LRRC9: variants seen among roughly 807,000 people sequenced by gnomAD.
LRRC9 encodes leucine rich repeat containing 9.
A neutral mutation model predicts 63.2 loss-of-function variants in LRRC9; 122 were observed. The ratio of observed to expected loss-of-function variants is 1.93; its 90% CI spans 1.67 to 2.24. LRRC9 has a LOEUF of 2.24. Among genes scored for constraint, LRRC9 ranks in the 30% most tolerant of loss-of-function variants. The probability of loss-of-function intolerance (pLI) is 0.00; values close to 1 mark genes in which losing one functional copy is unlikely to be tolerated. For synonymous variants in LRRC9, 366 were observed against 213.1 expected (o/e 1.72, Z -6.25); for missense variants, 1,071 against 627.7 (o/e 1.71, Z -7.55).
chr14:59,976,061 A>T (rs1420447548), intron 13 of LRRC9, among the ~76,000 whole-genome samples: 2 of 152,272 alleles, frequency 1.3e-5, no homozygotes, highest in Non-Finnish European at 2.9e-5. Context: ...TGAACCGCAC[A>T]TGCGAGGGAT....
At position 60,063,319 on chromosome 14, in the gene LRRC9, A is replaced by C; in HGVS notation, c.4277-4A>C. 5.7e-6 allele frequency: 4 copies of C among 701,714 alleles called. No homozygotes were observed. In the South Asian group the frequency reaches 5.9e-5, roughly 10 times the overall value. 43.5% of individuals were successfully genotyped at this position (701,714 alleles called of 1,614,324 possible). The stretch of plus-strand genomic sequence containing the variant: ...TTTGACTAATTAAATCTTATTTCTT[A>C]CAGAATTTTTGGGAGCAACTTTCCA... On this transcript the variant is annotated splice_region_variant and splice_polypyrimidine_tract_variant and intron_variant, in intron 31 of 31. Coordinates refer to ENST00000445360, the Ensembl canonical transcript of LRRC9.
chr14:59,975,085 T>C (rs1886005916), intron 13 of LRRC9, among the ~76,000 whole-genome samples: 1 of 83,106 alleles, frequency 1.2e-5, no homozygotes, highest in Non-Finnish European at 2.6e-5. Context: ...TGTGTGTGTG[T>C]AGTGTATATA....
intron 17 of LRRC9, among the ~76,000 whole-genome samples, chr14:59,995,740 T>C (rs1247204713): frequency 6.6e-6 from 1 of 151,154 alleles, no homozygotes; most frequent in Non-Finnish European, 1.5e-5. Context: ...TTTTTTGTTA[T>C]ATTTTATTTT....
chr14:59,997,767 T>C, exon 18 of LRRC9: 1 of 702,294 alleles, frequency 1.4e-6, no homozygotes, highest in Non-Finnish European at 2.6e-6. Flanking sequence ...ACTGAAAAAA[T>C]CTGGCAATGA....
intron 12 of LRRC9, among the ~76,000 whole-genome samples, chr14:59,970,628 C>T (rs887215581): frequency 6.6e-6 from 1 of 152,106 alleles, no homozygotes; most frequent in African/African-American, 2.4e-5. Context: ...GCCATTCTGA[C>T]TGGTATAAGA....
chr14:59,997,722 A>T, exon 18 of LRRC9: 1 of 702,730 alleles, frequency 1.4e-6, no homozygotes, highest in Non-Finnish European at 2.6e-6. Flanking sequence ...TAGAGGTCTG[A>T]TGAAACTGAA....
intron 8 of LRRC9, among the ~76,000 whole-genome samples, chr14:59,956,367 A>G (rs148477191): frequency 6.6e-6 from 1 of 152,240 alleles, no homozygotes; most frequent in Non-Finnish European, 1.5e-5. Flanking sequence ...TTCTTGTTGC[A>G]TTGATCCCTT....
At chr14:59,963,215 C>T (rs1381148520) in intron 10 of LRRC9, among the ~76,000 whole-genome samples, 1 of 152,150 alleles carries the variant, frequency 6.6e-6, no homozygotes, top group African/African-American at 2.4e-5. Context: ...AACAACAAAA[C>T]ACTGCATGTT....
At chr14:59,934,444 A>G (rs1195789714) in intron 6 of LRRC9, among the ~76,000 whole-genome samples, 1 of 152,208 alleles carries the variant, frequency 6.6e-6, no homozygotes, top group Middle Eastern at 3.2e-3. Flanking sequence ...ATGGGTAAAG[A>G]GCAGTCATAC....
At chr14:59,956,962 T>A (rs1239802846) in intron 8 of LRRC9, among the ~76,000 whole-genome samples, 2 of 152,184 alleles carry the variant, frequency 1.3e-5, no homozygotes, top group Non-Finnish European at 2.9e-5. Flanking sequence ...TGGCCCTCAC[T>A]CTCTTCTGGC....
rs1881906416 is a variant in LRRC9, at chr14:59,942,693, A to T, written c.727-1896A>T. Among the ~76,000 whole-genome samples the T allele has an allele frequency of 6.6e-6, 1 of 152,118 alleles. No individual in the cohort carries two copies. The highest frequency in any genetic ancestry group is 1.5e-5 in the Non-Finnish European group (1 of 68,012). On this transcript the variant is annotated intron_variant, in intron 7 of 31. Transcript: ENST00000445360. The surrounding 1 kb of genome is among the most constrained non-coding windows in gnomAD (Gnocchi z 5.3). The stretch of plus-strand genomic sequence containing the variant: ...CGGTGAGCCGATATCACACCACTGC[A>T]CTTCAGCCTGGGTGACAGAGTGAGA...
intron 23 of LRRC9, among the ~76,000 whole-genome samples, chr14:60,013,780 C>A (rs1269373682): frequency 1.3e-5 from 2 of 152,130 alleles, no homozygotes; most frequent in Non-Finnish European, 2.9e-5. Flanking sequence ...CTTTTACTTT[C>A]AACCTGCATA....
chr14:60,059,184 A>AT (rs766933291), intron 31 of LRRC9: 25 of 152,242 alleles, frequency 1.6e-4, no homozygotes, highest in Non-Finnish European at 2.5e-4. Context: ...TTTTTTACAA[A>AT]TTGTAGGTTT....
At position 59,958,593 on chromosome 14, in the gene LRRC9, C is replaced by T. The variant is rs1949325856; in HGVS notation, c.883-1225C>T. Among the ~76,000 whole-genome samples, 2 of 152,220 alleles carry T rather than the reference C, an allele frequency of 1.3e-5. No individual in the cohort carries two copies. The highest frequency in any genetic ancestry group is 2.9e-5 in the Non-Finnish European group (2 of 68,050). On this transcript the variant is annotated intron_variant, in intron 8 of 31. Transcript: ENST00000445360. This position sits in a 1 kb window ranked among gnomAD's most constrained non-coding sequence, Gnocchi z 4.0. ...GAGTGGGACCCGCTGAGCAAGACCA[C>T]TTGGCTCCCTGGCTTCAGTCCGCTT...
At chr14:59,941,078 A>C (rs948127678) in intron 7 of LRRC9, among the ~76,000 whole-genome samples, 3 of 151,904 alleles carry the variant, frequency 2.0e-5, no homozygotes, top group Non-Finnish European at 4.4e-5. Context: ...CAAAAAAAAA[A>C]CCCTTATTGA....
chr14:59,957,197 C>G (rs1237071178), intron 8 of LRRC9, among the ~76,000 whole-genome samples: 4 of 152,126 alleles, frequency 2.6e-5, no homozygotes, highest in Non-Finnish European at 5.9e-5. Context: ...AGGAAGTTCT[C>G]CTGGATAATA....
At chr14:59,973,918 T>C (rs1256154857) in intron 12 of LRRC9, among the ~76,000 whole-genome samples, 1 of 152,110 alleles carries the variant, frequency 6.6e-6, no homozygotes, top group African/African-American at 2.4e-5. Context: ...CAAATAGACC[T>C]GAGTTCAAAT....
rs199582066 is a variant in LRRC9 at position 60,039,811 on chromosome 14, G to GA, written c.3990+7750dup. Among the ~76,000 whole-genome samples the GA allele has an allele frequency of 5.8e-3, 877 of 152,064 alleles. 10 individuals carry two copies. Among genetic ancestry groups the GA allele is most frequent in the African/African-American group, 0.02 (826 of 41,460 alleles). ...TATTTCTTGCCTTCTGCTAGCTTTT[G>GA]AACGTGTTTGCTCTTGCTTCTCTCG... On this transcript the variant is annotated intron_variant, in intron 29 of 31. Coordinates refer to ENST00000445360, the Ensembl canonical transcript of LRRC9.
In LRRC9 at chr14:60,060,487, T is replaced by C. The variant is rs2140470393; in HGVS notation, c.4276+2465T>C. Reference sequence around the variant, plus strand: ...CGGGCGCGATGGCTCACGCTTGTAATCCCAGCACTTTGGGAGGCTGAGGTG... The same window carrying C: ...CGGGCGCGATGGCTCACGCTTGTAACCCCAGCACTTTGGGAGGCTGAGGTG... On this transcript the variant is annotated intron_variant, in intron 31 of 31. Coordinates refer to ENST00000445360, the Ensembl canonical transcript of LRRC9. This position sits in a 1 kb window ranked among gnomAD's most constrained non-coding sequence, Gnocchi z 4.0. Among the ~76,000 whole-genome samples the C allele has an allele frequency of 6.6e-6, 1 of 152,304 alleles. No homozygotes were observed. The highest frequency in any genetic ancestry group is 1.9e-4 in the East Asian group (1 of 5,182).
Sources: gnomAD v4.1 joint callset for allele counts (sites outside exome capture counted in the v4.1 genomes callset) on GRCh38, gnomAD v4.1.1 for gene constraint, Gnocchi (gnomAD v3.1) non-coding constraint, MANE v1.5 for transcripts, NCBI Gene and HGNC (gene_info 2026-07-23, HGNC 2026-07-21) for gene names.